ROBO1: variants seen among roughly 807,000 people sequenced by gnomAD.
ROBO1 encodes roundabout homolog 1.
In ROBO1, 149 loss-of-function variants were observed where a neutral mutation model predicts 195.9. The observed-to-expected ratio is 0.76, with a 90% CI of 0.67 to 0.87. The LOEUF is 0.87. Ranked by LOEUF, ROBO1 falls within the 40% of genes least tolerant of loss-of-function variation. ROBO1 has a pLI of 0.00. For missense variants in ROBO1, 1,933 were observed against 2,068.3 expected (o/e 0.93, Z 1.27); for synonymous variants, 816 against 733.2 (o/e 1.11, Z -1.82).
At chr3:78,830,642 G>A (rs1025320535) in intron 4 of ROBO1, among the ~76,000 whole-genome samples, 1 of 152,108 alleles carries the variant, frequency 6.6e-6, no homozygotes, top group African/African-American at 2.4e-5. Flanking sequence ...GCAGGATTGG[G>A]GAAACCGTTT....
intron 1 of ROBO1, among the ~76,000 whole-genome samples, chr3:79,695,653 C>T (rs1947423449): frequency 6.6e-6 from 1 of 151,316 alleles, no homozygotes; most frequent in South Asian, 2.1e-4. Context: ...GAACTATACT[C>T]ATGTGATTTT....
At chr3:79,081,579 A>G (rs926951336) in intron 3 of ROBO1, among the ~76,000 whole-genome samples, 2 of 152,160 alleles carry the variant, frequency 1.3e-5, no homozygotes, top group East Asian at 3.9e-4. Flanking sequence ...GATTCTGTGA[A>G]CTGTAGAATA....
chr3:79,181,837 G>C lies in ROBO1; in HGVS notation c.89-56298C>G, dbSNP rs527663578. Among the ~76,000 whole-genome samples the C allele has an allele frequency of 2.0e-5, 3 of 151,238 alleles. 1 individual carries two copies. The highest frequency in any genetic ancestry group is 7.3e-5 in the African/African-American group (3 of 41,246). On this transcript the variant is annotated intron_variant, in intron 2 of 30. Transcript: ENST00000464233. ...GCTACTTGGGAGGCTGAGATGGAAG[G>C]ATTGTTTGTGCCTGGGAGGTGGAGG...
intron 3 of ROBO1, among the ~76,000 whole-genome samples, chr3:79,014,193 G>A (rs2077862452): frequency 6.6e-6 from 1 of 152,002 alleles, no homozygotes; most frequent in Non-Finnish European, 1.5e-5. Context: ...TTTTGGACCG[G>A]GCACACTGGT....
chr3:79,023,847 G>A (rs2078150828), intron 3 of ROBO1, among the ~76,000 whole-genome samples: 1 of 151,028 alleles, frequency 6.6e-6, no homozygotes. Context: ...GGGATTACAG[G>A]TGCTGGCCAC....
intron 2 of ROBO1, among the ~76,000 whole-genome samples, chr3:79,491,838 T>A (rs1203434437): frequency 6.6e-6 from 1 of 151,738 alleles, no homozygotes; most frequent in Non-Finnish European, 1.5e-5. Context: ...ACCAATGACC[T>A]CACCATGTCC....
At chr3:79,734,365 C>T (rs1703290303) in intron 1 of ROBO1, among the ~76,000 whole-genome samples, 1 of 152,192 alleles carries the variant, frequency 6.6e-6, no homozygotes, top group East Asian at 1.9e-4. Context: ...CCAATGCCTG[C>T]TCTGTACCAC....
intron 5 of ROBO1, among the ~76,000 whole-genome samples, chr3:78,719,689 A>G (rs1199591142): frequency 6.6e-6 from 1 of 152,196 alleles, no homozygotes; most frequent in East Asian, 1.9e-4. Context: ...CCAAGGCTAC[A>G]TACAATTCTA....
At chr3:78,777,463 C>G (rs957741181) in intron 4 of ROBO1, among the ~76,000 whole-genome samples, 1 of 152,130 alleles carries the variant, frequency 6.6e-6, no homozygotes, top group African/African-American at 2.4e-5. Flanking sequence ...GGTACCCCAT[C>G]ATTTTTCTTA....
intron 4 of ROBO1, among the ~76,000 whole-genome samples, chr3:78,771,242 T>C (rs183559029): frequency 9.8e-5 from 15 of 152,312 alleles, no homozygotes; most frequent in Non-Finnish European, 1.8e-4. Context: ...TCTATTCCAT[T>C]GCACTGGTCT....
chr3:79,513,810 T>C (rs1000435441), intron 2 of ROBO1, among the ~76,000 whole-genome samples: 6 of 152,194 alleles, frequency 3.9e-5, no homozygotes, highest in African/African-American at 1.4e-4. Context: ...TGTTATTGCT[T>C]AATCTATATG....
At chr3:78,608,477 A>C (rs2107306665) in intron 28 of ROBO1, among the ~76,000 whole-genome samples, 1 of 152,306 alleles carries the variant, frequency 6.6e-6, no homozygotes, top group Middle Eastern at 3.4e-3. Context: ...ATCTAGAAAA[A>C]ATTTTTTTAA....
chr3:78,964,939 A>T (rs1246124402), intron 3 of ROBO1, among the ~76,000 whole-genome samples: 2 of 150,616 alleles, frequency 1.3e-5, no homozygotes, highest in East Asian at 3.9e-4. Flanking sequence ...CCGTGCTGGG[A>T]TTACAGGCAT....
At chr3:78,725,618 C>T (rs2082143319) in intron 5 of ROBO1, among the ~76,000 whole-genome samples, 1 of 152,120 alleles carries the variant, frequency 6.6e-6, no homozygotes, top group East Asian at 1.9e-4. Flanking sequence ...GAGAAAACCA[C>T]TTTATGTCTC....
intron 3 of ROBO1, among the ~76,000 whole-genome samples, chr3:78,959,345 T>C (rs1423673705): frequency 6.6e-6 from 1 of 152,094 alleles, no homozygotes; most frequent in Non-Finnish European, 1.5e-5. Flanking sequence ...ATTATAAGAG[T>C]AGAATAGTCT....
intron 3 of ROBO1, among the ~76,000 whole-genome samples, chr3:79,111,598 T>C (rs531398497): frequency 6.6e-5 from 10 of 152,282 alleles, no homozygotes; most frequent in African/African-American, 2.4e-4. Flanking sequence ...ACGTCACAGC[T>C]GTAACTATTC....
intron 5 of ROBO1, among the ~76,000 whole-genome samples, chr3:78,720,690 A>G (rs911015810): frequency 1.3e-5 from 2 of 152,232 alleles, no homozygotes; most frequent in Non-Finnish European, 2.9e-5. Flanking sequence ...ACTTGGAACC[A>G]ACCCAAATGT....
At chr3:79,330,633 C>T (rs183199953) in intron 2 of ROBO1, among the ~76,000 whole-genome samples, 3 of 138,182 alleles carry the variant, frequency 2.2e-5, no homozygotes, top group Admixed American at 7.8e-5. Flanking sequence ...GTTTGTATGG[C>T]CTGCCAAGCC....
intron 2 of ROBO1, among the ~76,000 whole-genome samples, chr3:79,475,989 TA>T (rs1938528738): frequency 6.6e-6 from 1 of 152,052 alleles, no homozygotes; most frequent in Non-Finnish European, 1.5e-5. Context: ...TAAATGGAGT[TA>T]AAATGATATT....
Sources: allele counts gnomAD v4.1 joint callset (sites outside exome capture counted in the v4.1 genomes callset), GRCh38; gene constraint gnomAD v4.1.1; transcripts MANE v1.5; gene names NCBI Gene and HGNC (gene_info 2026-07-23, HGNC 2026-07-21).